ADARB2: variants seen among roughly 807,000 people sequenced by gnomAD.
ADARB2 encodes adenosine deaminase RNA specific B2 (inactive).
In ADARB2, 25 loss-of-function variants were observed where a neutral mutation model predicts 62.2. That is an observed-to-expected ratio of 0.40 (90% CI 0.29 to 0.56). The LOEUF is 0.56. ADARB2 is among the 20% of genes least tolerant of loss of function. The pLI, the probability that ADARB2 is intolerant of heterozygous loss-of-function variation, is 0.43. For synonymous variants in ADARB2, 572 were observed against 500.8 expected (o/e 1.14, Z -1.90); for missense variants, 1,071 against 1,077.4 (o/e 0.99, Z 0.08).
intron 1 of ADARB2, among the ~76,000 whole-genome samples, chr10:1,446,410 T>C (rs774857857): frequency 2.0e-4 from 31 of 152,258 alleles, no homozygotes; most frequent in Non-Finnish European, 4.4e-4. Flanking sequence ...ATGCACCTGT[T>C]TATTCAGTCT....
chr10:1,695,119 C>T (rs1361067730), intron 1 of ADARB2, among the ~76,000 whole-genome samples: 1 of 152,208 alleles, frequency 6.6e-6, no homozygotes, highest in Non-Finnish European at 1.5e-5. Flanking sequence ...ATCTGTTCAG[C>T]AGACGGTTCA....
At chr10:1,397,801 G>T (rs35239810) in intron 1 of ADARB2, among the ~76,000 whole-genome samples, 4 of 40,786 alleles carry the variant, frequency 9.8e-5, no homozygotes, top group African/African-American at 1.1e-4. Context: ...GTCACCGTCC[G>T]TCTCTCCCCT....
intron 1 of ADARB2, among the ~76,000 whole-genome samples, chr10:1,468,825 C>G (rs528448883): frequency 1.3e-5 from 2 of 152,300 alleles, no homozygotes; most frequent in South Asian, 4.2e-4. Flanking sequence ...GAGTGGCAAA[C>G]CTCCGTGCCC....
At chr10:1,356,216 C>A (rs1034319472) in intron 3 of ADARB2, among the ~76,000 whole-genome samples, 1 of 152,200 alleles carries the variant, frequency 6.6e-6, no homozygotes, top group Non-Finnish European at 1.5e-5. Context: ...AGCACCTTGC[C>A]TTCCTGCATG....
At chr10:1,317,758 G>GC (rs1466833598) in intron 3 of ADARB2, among the ~76,000 whole-genome samples, 4 of 148,046 alleles carry the variant, frequency 2.7e-5, no homozygotes, top group Admixed American at 2.0e-4. Flanking sequence ...GGCCTGGGGG[G>GC]GGGTGGGTCA....
intron 1 of ADARB2, among the ~76,000 whole-genome samples, chr10:1,689,848 G>A (rs949947387): frequency 7.2e-5 from 11 of 152,194 alleles, no homozygotes; most frequent in African/African-American, 2.2e-4. Flanking sequence ...TAGATTGCTC[G>A]CCAAATAACA....
At chr10:1,496,560 C>T (rs757784267) in intron 1 of ADARB2, among the ~76,000 whole-genome samples, 3 of 152,120 alleles carry the variant, frequency 2.0e-5, no homozygotes, top group Non-Finnish European at 4.4e-5. Context: ...TCATAGTCAT[C>T]ATCATAACCA....
At chr10:1,654,936 C>G (rs1211366681) in intron 1 of ADARB2, among the ~76,000 whole-genome samples, 1 of 152,188 alleles carries the variant, frequency 6.6e-6, no homozygotes, top group Non-Finnish European at 1.5e-5. Context: ...GCTGGCCAGC[C>G]CACGAGAGCT....
rs143134048 is a variant in ADARB2 at position 1,338,312 on chromosome 10, C to T, written c.1077+24716G>A. Among the ~76,000 whole-genome samples the T allele has an allele frequency of 4.8e-3, 738 of 152,324 alleles. 8 individuals carry two copies. Among genetic ancestry groups the T allele is most frequent in the African/African-American group, 0.017 (698 of 41,578 alleles). ...CCAAAAGCTCAACTGTCTTGGGCCG[C>T]ACAGTTTCAGTGGACTGTTCCCAGT... is the stretch of plus-strand genomic sequence containing the variant. On this transcript the variant is annotated intron_variant, in intron 3 of 9. Transcript: ENST00000381312.
At chr10:1,657,551 C>T (rs1246880492) in intron 1 of ADARB2, among the ~76,000 whole-genome samples, 9 of 152,180 alleles carry the variant, frequency 5.9e-5, no homozygotes, top group African/African-American at 9.7e-5. Context: ...TCTGAAGCCA[C>T]GGTTTCCTGA....
chr10:1,494,210 AT>A (rs1311840006), intron 1 of ADARB2, among the ~76,000 whole-genome samples: 3 of 152,226 alleles, frequency 2.0e-5, no homozygotes, highest in South Asian at 2.1e-4. Context: ...ATTTTCCTCC[AT>A]TTTTTCTCCT....
intron 3 of ADARB2, among the ~76,000 whole-genome samples, chr10:1,282,879 A>G (rs1831382208): frequency 6.6e-6 from 1 of 152,190 alleles, no homozygotes; most frequent in African/African-American, 2.4e-5. Context: ...ATAAGGGAAG[A>G]CACTTTCCCA....
At chr10:1,329,769 G>A (rs977154590) in intron 3 of ADARB2, among the ~76,000 whole-genome samples, 1 of 152,214 alleles carries the variant, frequency 6.6e-6, no homozygotes, top group East Asian at 1.9e-4. Context: ...CTGGGGGCTT[G>A]GTTTGTTCTG....
intron 7 of ADARB2, among the ~76,000 whole-genome samples, chr10:1,206,703 T>G (rs1010108783): frequency 6.6e-6 from 1 of 152,172 alleles, no homozygotes; most frequent in Non-Finnish European, 1.5e-5. Flanking sequence ...TGCGCCTCCG[T>G]CTCTGCGTCT....
At chr10:1,367,481 C>T (rs1386279639) in intron 2 of ADARB2, among the ~76,000 whole-genome samples, 1 of 152,162 alleles carries the variant, frequency 6.6e-6, no homozygotes, top group African/African-American at 2.4e-5. Context: ...CGGCAGAAAC[C>T]GTTACCTTCT....
At chr10:1,260,412 C>G (rs903649036) in intron 4 of ADARB2, among the ~76,000 whole-genome samples, 1 of 151,674 alleles carries the variant, frequency 6.6e-6, no homozygotes, top group African/African-American at 2.4e-5. Flanking sequence ...CCCATTGTCT[C>G]AGCCCAAAAT....
intron 4 of ADARB2, among the ~76,000 whole-genome samples, chr10:1,259,323 G>C (rs1308602104): frequency 2.0e-5 from 3 of 152,066 alleles, no homozygotes; most frequent in Non-Finnish European, 4.4e-5. Flanking sequence ...AGGAAATAGA[G>C]ACACAAAAAA....
At position 1,363,220 on chromosome 10, in the gene ADARB2, C is replaced by T; in HGVS notation, c.885G>A (p.Leu295=). 2 of 1,456,278 alleles carry T rather than the reference C, an allele frequency of 1.4e-6. No individual in the cohort carries two copies. Among genetic ancestry groups the T allele is most frequent in the Non-Finnish European group, 1.8e-6 (2 of 1,105,054 alleles). 90.2% of individuals were successfully genotyped at this position (1,456,278 alleles called of 1,614,324 possible). The change falls in exon 3 of 10, where the codon CTG becomes CTA. Residue 295 remains leucine, a synonymous_variant. Coordinates refer to ENST00000381312, the MANE Select transcript of ADARB2 (RefSeq NM_018702.4). ...GCGCGCGCCGCTCGGCCGGTTCTGCCAGACACACGTAGCGCAGCCCGGCGC... is the reference window on the plus strand; with the variant it reads ...GCGCGCGCCGCTCGGCCGGTTCTGCTAGACACACGTAGCGCAGCCCGGCGC... ...RLRAGLRYVC[L]AEPAERRARS...
chr10:1,331,900 G>A (rs966780363), intron 3 of ADARB2, among the ~76,000 whole-genome samples: 4 of 152,156 alleles, frequency 2.6e-5, no homozygotes, highest in African/African-American at 9.7e-5. Flanking sequence ...TATTCAGAGA[G>A]CTTTTAGGGT....
Sources: allele counts gnomAD v4.1 joint callset (sites outside exome capture counted in the v4.1 genomes callset), GRCh38; gene constraint gnomAD v4.1.1; transcripts MANE v1.5; gene names NCBI Gene and HGNC (gene_info 2026-07-23, HGNC 2026-07-21).